The following EIF4E2 variants were observed in gnomAD, a reference collection of about 807,000 sequenced individuals.
EIF4E2 encodes the protein eukaryotic translation initiation factor 4E family member 2.
Under a neutral mutation model 34.2 loss-of-function variants are expected in EIF4E2, and 13 were observed. That is an observed-to-expected ratio of 0.38 (90% CI 0.25 to 0.60). The LOEUF is 0.60. Among genes scored for constraint, EIF4E2 ranks in the 20% least tolerant of loss-of-function variants. The pLI, the probability that EIF4E2 is intolerant of heterozygous loss-of-function variation, is 0.62. For missense variants in EIF4E2, 222 were observed against 315.1 expected (o/e 0.70, Z 2.24); for synonymous variants, 100 against 106.6 (o/e 0.94, Z 0.38).
rs754686328 is a variant in EIF4E2 at position 232,574,339 on chromosome 2, A to G, written c.666-6565A>G. On this transcript the variant is annotated intron_variant, in intron 6 of 6. Transcript: ENST00000409098. ...CGCTCCCCCTCTGTCTCTCACACTC[A>G]GGGTAGGGCCTTGTCTATCTTCTCT... The G allele has an allele frequency of 7.8e-5, 121 of 1,550,386 alleles. No homozygotes were observed. In the African/African-American group the frequency reaches 1.4e-3, roughly 18 times the overall value.
At chr2:232,573,711 G>A (rs1254228339), downstream of EIF4E2, 1 of 195,808 alleles carries the variant, frequency 5.1e-6, no homozygotes, top group African/African-American at 2.3e-5. Flanking sequence ...AGAAACAGGT[G>A]GAACCTGACA....
intron 6 of EIF4E2, among the ~76,000 whole-genome samples, chr2:232,577,709 G>A (rs1693255874): frequency 6.6e-6 from 1 of 152,198 alleles, no homozygotes; most frequent in African/African-American, 2.4e-5. Flanking sequence ...TCAGGACAAA[G>A]GAACATCTGG....
At position 232,564,375 on chromosome 2, in the gene EIF4E2, G is replaced by A. The variant is rs1339730523; in HGVS notation, c.375+24G>A. The A allele has an allele frequency of 2.0e-6, 3 of 1,465,020 alleles. No individual in the cohort carries two copies. In the East Asian group the frequency reaches 7.3e-5, roughly 36 times the overall value. 90.8% of individuals were successfully genotyped at this position (1,465,020 alleles called of 1,614,324 possible). ...AGGTAAGGACTAATGGCTTCTGACT[G>A]CTTTTTTGAGCAAGTTTGGGTTTTT... On this transcript the variant is annotated intron_variant, in intron 4 of 6. Transcript: ENST00000258416.
chr2:232,559,128 C>T (rs931422133), intron 3 of EIF4E2, among the ~76,000 whole-genome samples: 5 of 150,830 alleles, frequency 3.3e-5, no homozygotes, highest in African/African-American at 9.8e-5. Flanking sequence ...TGCTAGATGA[C>T]GAGTTAGTGG....
intron 6 of EIF4E2, among the ~76,000 whole-genome samples, chr2:232,575,666 G>T (rs1693194240): frequency 6.6e-6 from 1 of 152,182 alleles, no homozygotes; most frequent in South Asian, 2.1e-4. Context: ...AATTCCAGGA[G>T]TGCTGCTAGT....
chr2:232,568,402 G>T, intron 6 of EIF4E2: 1 of 985,406 alleles, frequency 1.0e-6, no homozygotes, highest in Non-Finnish European at 1.2e-6. Flanking sequence ...AGCCAGCCAT[G>T]GCTGTGGTTG....
At chr2:232,579,039 T>C (rs893416553) in intron 6 of EIF4E2, among the ~76,000 whole-genome samples, 1 of 152,130 alleles carries the variant, frequency 6.6e-6, no homozygotes, top group Non-Finnish European at 1.5e-5. Context: ...TCACTTTCTT[T>C]AGTATTAAGT....
chr2:232,560,548 G>A (rs1326943220), intron 3 of EIF4E2, among the ~76,000 whole-genome samples: 1 of 152,190 alleles, frequency 6.6e-6, no homozygotes, highest in Non-Finnish European at 1.5e-5. Flanking sequence ...GGCCAAGGCA[G>A]GAGGATGACT....
At position 232,581,549 on chromosome 2, in the gene EIF4E2, ACT is replaced by A. The variant is rs3841083; in HGVS notation, c.*612_*613del. The A allele has an allele frequency of 0.22, 37,884 of 176,196 alleles. 5,027 individuals carry two copies. Among genetic ancestry groups the A allele is most frequent in the East Asian group, 0.33 (1,944 of 5,804 alleles). 10.9% of individuals were successfully genotyped at this position (176,196 alleles called of 1,614,324 possible). A position where few individuals can be genotyped will look rare whatever the true frequency, so the allele number is the denominator to read the frequency against. ...GCCCTCCGGTCTCCTCTCCTGTGGG[ACT>A]CTCTCCTTCTTAGGCACAGCTGCAC... On this transcript the variant is annotated 3_prime_UTR_variant, in exon 7 of 7. Coordinates refer to the EIF4E2 transcript ENST00000409098. This position sits in a 1 kb window ranked among gnomAD's most constrained non-coding sequence, Gnocchi z 5.2.
At chr2:232,578,621 CAAA>C (rs373152127) in intron 6 of EIF4E2, among the ~76,000 whole-genome samples, 1 of 120,272 alleles carries the variant, frequency 8.3e-6, no homozygotes, top group Non-Finnish European at 1.8e-5. Context: ...CACTCCATCT[CAAA>C]AAAAAAAAAA....
intron 3 of EIF4E2, among the ~76,000 whole-genome samples, chr2:232,559,777 C>G (rs140946142): frequency 7.1e-6 from 1 of 141,326 alleles, no homozygotes; most frequent in East Asian, 2.1e-4. Context: ...GACCCTGCCT[C>G]TACAAAAAAA....
intron 3 of EIF4E2, among the ~76,000 whole-genome samples, chr2:232,562,576 G>T (rs574017281): frequency 6.6e-6 from 1 of 152,172 alleles, no homozygotes; most frequent in Non-Finnish European, 1.5e-5. Flanking sequence ...GACAAAAAGA[G>T]CGAAACTCCA....
At chr2:232,559,101 T>C (rs1406089764) in intron 3 of EIF4E2, among the ~76,000 whole-genome samples, 1 of 151,350 alleles carries the variant, frequency 6.6e-6, no homozygotes, top group Non-Finnish European at 1.5e-5. Context: ...AGGGATAGCA[T>C]TGGGAGATAT....
chr2:232,564,235 T>C lies in EIF4E2; in HGVS notation c.271-12T>C, dbSNP rs1692833453. ...GACACATGTTTTTTACTCTGGGGTC[T>C]TCTCTCTGCAGGTGGAGCAGTTCTG... is the stretch of plus-strand genomic sequence containing the variant. On this transcript the variant is annotated splice_polypyrimidine_tract_variant and intron_variant, in intron 3 of 6. Transcript: ENST00000258416. 6 of 1,569,592 alleles carry C rather than the reference T, an allele frequency of 3.8e-6. No individual in the cohort carries two copies. The highest frequency in any genetic ancestry group is 5.2e-6 in the Non-Finnish European group (6 of 1,153,176).
intron 3 of EIF4E2, 31 bp from the exon 4 acceptor site, chr2:232,564,216 T>C: frequency 1.4e-6 from 2 of 1,462,424 alleles, no homozygotes; most frequent in Non-Finnish European, 1.9e-6. Flanking sequence ...AAAAGACACA[T>C]GTTTTTTACT....
At chr2:232,558,120 G>T in intron 3 of EIF4E2, 102 bp downstream of exon 3, 1 of 1,478,402 alleles carries the variant, frequency 6.8e-7, no homozygotes. Flanking sequence ...TAAGATTCTG[G>T]TTTTCTTAAT....
At chr2:232,554,984 A>T (rs1339267741) in intron 1 of EIF4E2, among the ~76,000 whole-genome samples, 1 of 152,206 alleles carries the variant, frequency 6.6e-6, no homozygotes, top group African/African-American at 2.4e-5. Flanking sequence ...TGACCAGGGT[A>T]GGGATGGGAA....
chr2:232,564,205 T>A, intron 3 of EIF4E2, 42 bp from the exon 4 acceptor site: 1 of 1,394,600 alleles, frequency 7.2e-7, no homozygotes, highest in Non-Finnish European at 9.9e-7. Context: ...CAAAGAAAAG[T>A]AAAAGACACA....
At chr2:232,570,139 C>G (rs886089194), downstream of EIF4E2, among the ~76,000 whole-genome samples, 6 of 152,154 alleles carry the variant, frequency 3.9e-5, no homozygotes, top group Non-Finnish European at 5.9e-5. Flanking sequence ...AGTGGCTGTT[C>G]CACTTTGGCA....
Sources: allele counts gnomAD v4.1 joint callset (sites outside exome capture counted in the v4.1 genomes callset), GRCh38; gene constraint gnomAD v4.1.1; non-coding constraint Gnocchi (gnomAD v3.1); transcripts MANE v1.5; gene names NCBI Gene and HGNC (gene_info 2026-07-23, HGNC 2026-07-21).